CHRM3: variants seen among roughly 807,000 people sequenced by gnomAD.
CHRM3 encodes the protein cholinergic receptor muscarinic 3, also known as muscarinic acetylcholine receptor M3.
Under a neutral mutation model 41.8 loss-of-function variants are expected in CHRM3, and 11 were observed. That is an observed-to-expected ratio of 0.26 (90% CI 0.17 to 0.44). The LOEUF is 0.44. Among genes scored for constraint, CHRM3 ranks in the 20% least tolerant of loss-of-function variants. The pLI is 1.00. For synonymous variants in CHRM3, 297 were observed against 301.4 expected (o/e 0.99, Z 0.15); for missense variants, 571 against 745.4 (o/e 0.77, Z 2.72).
Position 239,617,552 on chromosome 1 carries a change from T to C in CHRM3, c.-312-14672T>C, listed in dbSNP as rs140205641. ...CCAGCTTGGGCAAGATGGTGAGACC[T>C]CGTCTCTACAAACAAATTTAAAATG... On this transcript the variant is annotated intron_variant, in intron 3 of 6. Transcript: ENST00000676153. Among the ~76,000 whole-genome samples the C allele has an allele frequency of 6.8e-3, 1,028 of 152,162 alleles. 12 individuals are homozygous for C. Among genetic ancestry groups the C allele is most frequent in the African/African-American group, 0.024 (984 of 41,512 alleles).
chr1:239,828,707 G>A (rs1408572782), intron 6 of CHRM3, among the ~76,000 whole-genome samples: 1 of 152,012 alleles, frequency 6.6e-6, no homozygotes, highest in East Asian at 1.9e-4. Context: ...AGAGAAGGTC[G>A]GGAAGGCACC....
chr1:239,649,492 A>G (rs1672049835), intron 4 of CHRM3, among the ~76,000 whole-genome samples: 1 of 152,210 alleles, frequency 6.6e-6, no homozygotes, highest in Non-Finnish European at 1.5e-5. Context: ...GAATTCAGGA[A>G]TTCGAGGCAG....
intron 1 of CHRM3, among the ~76,000 whole-genome samples, chr1:239,401,618 G>A (rs12728208): frequency 1.8e-4 from 27 of 151,992 alleles, no homozygotes; most frequent in African/African-American, 6.3e-4. Context: ...AGCCTCCTGA[G>A]TAGCCCGGAC....
intron 6 of CHRM3, among the ~76,000 whole-genome samples, chr1:239,833,305 T>C (rs1673043762): frequency 6.6e-6 from 1 of 152,196 alleles, no homozygotes; most frequent in Non-Finnish European, 1.5e-5. Context: ...AGCAAGCTCC[T>C]TGACTGCTCA....
At chr1:239,888,892 C>T (rs941848499) in intron 6 of CHRM3, among the ~76,000 whole-genome samples, 4 of 152,118 alleles carry the variant, frequency 2.6e-5, no homozygotes, top group African/African-American at 9.7e-5. Context: ...ATGGTTTATG[C>T]AGACTGAGTA....
intron 3 of CHRM3, among the ~76,000 whole-genome samples, chr1:239,595,507 C>T (rs1212828830): frequency 6.6e-6 from 1 of 151,930 alleles, no homozygotes; most frequent in Non-Finnish European, 1.5e-5. Context: ...GCACAAAATC[C>T]TTGGATTTAT....
At chr1:239,391,751 G>C (rs768334229) in intron 1 of CHRM3, among the ~76,000 whole-genome samples, 29 of 152,112 alleles carry the variant, frequency 1.9e-4, no homozygotes, top group Admixed American at 5.9e-4. Flanking sequence ...AAGCCATCCG[G>C]AATATGAACA....
intron 5 of CHRM3, among the ~76,000 whole-genome samples, chr1:239,710,849 C>T (rs747271676): frequency 6.6e-5 from 10 of 151,862 alleles, no homozygotes; most frequent in East Asian, 1.9e-4. Context: ...CTCACCACAC[C>T]GCAAACAACC....
At chr1:239,539,854 C>T (rs549704570) in intron 2 of CHRM3, among the ~76,000 whole-genome samples, 11 of 152,110 alleles carry the variant, frequency 7.2e-5, no homozygotes, top group East Asian at 1.9e-4. Flanking sequence ...TGGATTCAAG[C>T]GATCCACCTG....
intron 1 of CHRM3, among the ~76,000 whole-genome samples, chr1:239,424,348 A>T (rs1662204768): frequency 6.7e-6 from 1 of 149,900 alleles, no homozygotes; most frequent in South Asian, 2.1e-4. Flanking sequence ...GAATTAAATA[A>T]TGGGTTTTGA....
chr1:239,810,197 G>A (rs889976579), intron 5 of CHRM3, among the ~76,000 whole-genome samples: 3 of 152,108 alleles, frequency 2.0e-5, no homozygotes, highest in African/African-American at 4.8e-5. Flanking sequence ...CCCTAGGGCC[G>A]TGATGAAATG....
intron 6 of CHRM3, among the ~76,000 whole-genome samples, chr1:239,840,946 C>T (rs993307072): frequency 3.3e-5 from 5 of 152,224 alleles, no homozygotes; most frequent in Middle Eastern, 6.8e-3. Flanking sequence ...TCATGGTGCA[C>T]GTGTGGGCAG....
Position 239,787,493 on chromosome 1 carries a change from T to C in CHRM3, c.-146-39759T>C, listed in dbSNP as rs113060228. Among the ~76,000 whole-genome samples the C allele has an allele frequency of 8.7e-4, 132 of 152,146 alleles. 1 individual carries two copies. The highest frequency in any genetic ancestry group is 3.0e-3 in the African/African-American group (125 of 41,522). On this transcript the variant is annotated intron_variant, in intron 5 of 6. Coordinates refer to ENST00000676153, the MANE Select transcript of CHRM3 (RefSeq NM_001375978.1). ...TAGAAGCCGAAACAAGAACTCCCAG[T>C]GGCAGGAAAGATCAATAACCTGGAT... is the stretch of plus-strand genomic sequence containing the variant.
At chr1:239,416,698 A>G (rs937678500) in intron 1 of CHRM3, among the ~76,000 whole-genome samples, 2 of 152,190 alleles carry the variant, frequency 1.3e-5, no homozygotes, top group South Asian at 4.1e-4. Flanking sequence ...CTATGACTGG[A>G]AGGCTAGGAG....
At chr1:239,623,375 T>A (rs945216528) in intron 3 of CHRM3, among the ~76,000 whole-genome samples, 24 of 151,666 alleles carry the variant, frequency 1.6e-4, no homozygotes, top group Admixed American at 1.1e-3. Flanking sequence ...TGGTTTTTTG[T>A]CCTTGCGATA....
chr1:239,423,037 C>A (rs1662079321), intron 1 of CHRM3, among the ~76,000 whole-genome samples: 1 of 152,094 alleles, frequency 6.6e-6, no homozygotes, highest in Admixed American at 6.5e-5. Flanking sequence ...CATGAAATTT[C>A]TTTGATCTTT....
chr1:239,404,946 T>A (rs760899198), intron 1 of CHRM3, among the ~76,000 whole-genome samples: 1 of 151,756 alleles, frequency 6.6e-6, no homozygotes, highest in Non-Finnish European at 1.5e-5. Context: ...CAAGTAATCA[T>A]GTATATTATT....
chr1:239,484,945 C>T (rs1316020978), intron 1 of CHRM3, among the ~76,000 whole-genome samples: 2 of 152,086 alleles, frequency 1.3e-5, no homozygotes, highest in Non-Finnish European at 2.9e-5. Flanking sequence ...AAGTAAACTC[C>T]AGTTCATACA....
At chr1:239,428,325 T>G (rs1432352626) in intron 1 of CHRM3, among the ~76,000 whole-genome samples, 1 of 152,184 alleles carries the variant, frequency 6.6e-6, no homozygotes, top group African/African-American at 2.4e-5. Flanking sequence ...CATAAAGGAT[T>G]AGCAACAGTG....
Sources: gnomAD v4.1 joint callset for allele counts (sites outside exome capture counted in the v4.1 genomes callset) on GRCh38, gnomAD v4.1.1 for gene constraint, MANE v1.5 for transcripts, NCBI Gene and HGNC (gene_info 2026-07-23, HGNC 2026-07-21) for gene names.